Variants in SPDYA observed in about 807,000 individuals in gnomAD.
The protein encoded by SPDYA is speedy protein A.
Under a neutral mutation model 36.7 loss-of-function variants are expected in SPDYA, and 11 were observed. That is an observed-to-expected ratio of 0.30 (90% CI 0.19 to 0.50). SPDYA has a LOEUF of 0.50. Ranked by LOEUF, SPDYA falls within the 20% of genes least tolerant of loss-of-function variation. The pLI is 0.98. For missense variants in SPDYA, 287 were observed against 370.9 expected (o/e 0.77, Z 1.86); for synonymous variants, 115 against 118.7 (o/e 0.97, Z 0.20).
intron 6 of SPDYA, among the ~76,000 whole-genome samples, chr2:28,832,314 C>T (rs1000547338): frequency 6.6e-6 from 1 of 152,208 alleles, no homozygotes; most frequent in Admixed American, 6.5e-5. Flanking sequence ...GAAACACTGT[C>T]TTCACTTGGT....
intron 6 of SPDYA, among the ~76,000 whole-genome samples, chr2:28,836,643 C>T (rs75951112): frequency 1.6e-3 from 246 of 152,200 alleles, no homozygotes; most frequent in Non-Finnish European, 2.8e-3. Flanking sequence ...CCCTTTTAGT[C>T]GAAATTTCCC....
rs556093058 is a variant in SPDYA, at chr2:28,838,915, C to T, written c.553-1257C>T. Among the ~76,000 whole-genome samples, 11 of 152,350 alleles carry T rather than the reference C, an allele frequency of 7.2e-5. No homozygotes were observed. In the East Asian group the frequency reaches 1.5e-3, roughly 21 times the overall value. On this transcript the variant is annotated intron_variant, in intron 6 of 7. Coordinates refer to ENST00000334056, the MANE Select transcript of SPDYA (RefSeq NM_182756.4). ...TCACTGCTCTAGGCAATTAATAAGG[C>T]TCTGTCCAGCTCTCGAATGTTACAG...
chr2:28,815,275 C>T (rs1667956706), intron 2 of SPDYA, among the ~76,000 whole-genome samples: 1 of 138,760 alleles, frequency 7.2e-6, no homozygotes, highest in African/African-American at 2.8e-5. Context: ...GAGCAAGACC[C>T]TGTCTGAAAC....
intron 6 of SPDYA, among the ~76,000 whole-genome samples, chr2:28,838,062 A>G (rs1232826502): frequency 6.6e-6 from 1 of 152,044 alleles, no homozygotes. Flanking sequence ...GTTTCAGAGA[A>G]GTCCGTTTCA....
At chr2:28,847,118 G>A (rs1017470470) in intron 7 of SPDYA, among the ~76,000 whole-genome samples, 5 of 152,166 alleles carry the variant, frequency 3.3e-5, no homozygotes, top group Admixed American at 1.3e-4. Context: ...TGAGTCGGGT[G>A]GATCACCTGA....
chr2:28,832,809 G>T (rs1668508132), intron 6 of SPDYA, among the ~76,000 whole-genome samples: 1 of 149,970 alleles, frequency 6.7e-6, no homozygotes, highest in African/African-American at 2.4e-5. Flanking sequence ...TTGATTACTG[G>T]CATAAGTTTC....
chr2:28,823,901 A>C (rs1480455605), intron 5 of SPDYA, among the ~76,000 whole-genome samples: 1 of 147,538 alleles, frequency 6.8e-6, no homozygotes, highest in Non-Finnish European at 1.5e-5. Flanking sequence ...TCCCACCACC[A>C]CGCCCAACTA....
intron 6 of SPDYA, among the ~76,000 whole-genome samples, chr2:28,837,122 T>A (rs1252829299): frequency 6.6e-6 from 1 of 152,142 alleles, no homozygotes; most frequent in Non-Finnish European, 1.5e-5. Context: ...AATAATCCAA[T>A]GACAGTATGC....
chr2:28,839,512 TA>T (rs1158359023), intron 6 of SPDYA, among the ~76,000 whole-genome samples: 15 of 152,328 alleles, frequency 9.8e-5, no homozygotes, highest in African/African-American at 2.9e-4. Flanking sequence ...TTTTTACTTT[TA>T]TTTTTTGAGA....
In SPDYA at chr2:28,811,075, C is replaced by G. The variant is rs963171171; in HGVS notation, c.-93+128C>G. The G allele has an allele frequency of 6.6e-5, 10 of 152,426 alleles. No individual in the cohort carries two copies. The highest frequency in any genetic ancestry group is 6.5e-4 in the Admixed American group (10 of 15,292). 9.4% of individuals were successfully genotyped at this position (152,426 alleles called of 1,614,324 possible). Reference sequence around the variant, plus strand: ...AGATGAGAAGGCAGCGCTCCAGCCTCGTCCTCACGCCGCCTCCCGTGGGCG... The same window carrying G: ...AGATGAGAAGGCAGCGCTCCAGCCTGGTCCTCACGCCGCCTCCCGTGGGCG... On this transcript the variant is annotated intron_variant, in intron 1 of 7. Coordinates refer to ENST00000334056, the MANE Select transcript of SPDYA (RefSeq NM_182756.4). This position sits in a 1 kb window ranked among gnomAD's most constrained non-coding sequence, Gnocchi z 4.2.
intron 3 of SPDYA, among the ~76,000 whole-genome samples, chr2:28,818,569 T>C (rs565438234): frequency 2.6e-5 from 4 of 152,294 alleles, no homozygotes; most frequent in Middle Eastern, 3.4e-3. Flanking sequence ...AATTGAAATA[T>C]TTTACCTACT....
intron 5 of SPDYA, among the ~76,000 whole-genome samples, chr2:28,826,768 C>G (rs1296952125): frequency 2.0e-5 from 3 of 150,710 alleles, no homozygotes; most frequent in Non-Finnish European, 3.0e-5. Flanking sequence ...GCATTCACCA[C>G]AACACCCAGC....
intron 6 of SPDYA, 98 bp downstream of exon 6, chr2:28,829,417 G>T (rs1378506651): frequency 1.2e-4 from 99 of 855,486 alleles, no homozygotes; most frequent in East Asian, 3.2e-4. Context: ...GGTATTCTGG[G>T]TTTTTTTTTT....
intron 4 of SPDYA, among the ~76,000 whole-genome samples, chr2:28,819,842 AAAAAAAAATATATATATATATAT>A (rs1668095618): frequency 1.1e-4 from 5 of 47,390 alleles, no homozygotes; most frequent in South Asian, 8.4e-4. Context: ...AAAAAAAAAA[AAAAAAAAATATATATATATATAT>A]ATATATATAT....
At position 28,816,047 on chromosome 2, in the gene SPDYA, A is replaced by G. The variant is rs1175297174; in HGVS notation, c.33A>G (p.Pro11=). MRHNQMCCET[P]PTVTVYVKSG... is the part of the protein sequence containing the mutation. The stretch of plus-strand genomic sequence containing the variant: ...ACAATCAGATGTGTTGTGAGACACC[A>G]CCTACTGTCACTGTTTATGTAAAAT... Residue 11 remains proline (P), a synonymous_variant, in exon 3 of 8, where the codon CCA becomes CCG. Coordinates refer to ENST00000334056, the MANE Select transcript of SPDYA (RefSeq NM_182756.4). The G allele has an allele frequency of 6.2e-7, 1 of 1,613,846 alleles. No homozygotes were observed. The highest frequency in any genetic ancestry group is 8.5e-7 in the Non-Finnish European group (1 of 1,179,942).
chr2:28,844,545 C>T (rs1242031942), intron 7 of SPDYA, among the ~76,000 whole-genome samples: 2 of 152,132 alleles, frequency 1.3e-5, no homozygotes, highest in Non-Finnish European at 2.9e-5. Flanking sequence ...ATGATGTTGC[C>T]CACCTGTAGC....
At chr2:28,839,723 T>C (rs1668703602) in intron 6 of SPDYA, among the ~76,000 whole-genome samples, 1 of 152,144 alleles carries the variant, frequency 6.6e-6, no homozygotes, top group African/African-American at 2.4e-5. Context: ...AGGATGGTCT[T>C]GATCTCCTGA....
intron 5 of SPDYA, among the ~76,000 whole-genome samples, chr2:28,827,622 G>T (rs1248253338): frequency 6.6e-6 from 1 of 151,890 alleles, no homozygotes; most frequent in Non-Finnish European, 1.5e-5. Context: ...TCCTAATCAT[G>T]GTGCCTGTGT....
chr2:28,815,735 C>A (rs116104091), intron 2 of SPDYA, among the ~76,000 whole-genome samples: 1 of 152,056 alleles, frequency 6.6e-6, no homozygotes, highest in Non-Finnish European at 1.5e-5. Context: ...CAAATTTGGT[C>A]GAGTTCTGCA....
Sources: allele counts gnomAD v4.1 joint callset (sites outside exome capture counted in the v4.1 genomes callset), GRCh38; gene constraint gnomAD v4.1.1; non-coding constraint Gnocchi (gnomAD v3.1); transcripts MANE v1.5; gene names NCBI Gene and HGNC (gene_info 2026-07-23, HGNC 2026-07-21).